Variants in ZCCHC7 observed in about 807,000 individuals in gnomAD.
ZCCHC7 encodes the protein zinc finger CCHC domain-containing protein 7.
Under a neutral mutation model 52.0 loss-of-function variants are expected in ZCCHC7, and 35 were observed. That is an observed-to-expected ratio of 0.67 (90% CI 0.51 to 0.89). The LOEUF (loss-of-function observed/expected upper bound fraction) is 0.89, where lower values mean the gene tolerates loss of function less well. Among genes scored for constraint, ZCCHC7 ranks in the 40% least tolerant of loss-of-function variants. The pLI is 0.00. For synonymous variants in ZCCHC7, 217 were observed against 221.5 expected (o/e 0.98, Z 0.18); for missense variants, 574 against 649.1 (o/e 0.88, Z 1.26).
intron 2 of ZCCHC7, among the ~76,000 whole-genome samples, chr9:37,142,715 T>G (rs936085179): frequency 5.3e-5 from 8 of 151,786 alleles, no homozygotes; most frequent in Non-Finnish European, 8.9e-5. Context: ...TTCATGAGTT[T>G]GTAAAACTAT....
chr9:37,336,950 A>T (rs1830694577), intron 6 of ZCCHC7, among the ~76,000 whole-genome samples: 1 of 152,182 alleles, frequency 6.6e-6, no homozygotes, highest in Admixed American at 6.5e-5. Flanking sequence ...GTGGTAAGAT[A>T]CCCTGTCACC....
chr9:37,258,757 TAAAAAA>T (rs5897683), intron 2 of ZCCHC7, among the ~76,000 whole-genome samples: 24 of 55,368 alleles, frequency 4.3e-4, no homozygotes, highest in African/African-American at 1.4e-3. Flanking sequence ...TCCTGTCTCT[TAAAAAA>T]AAAAAAAAAA....
intron 2 of ZCCHC7, among the ~76,000 whole-genome samples, chr9:37,179,991 A>G (rs1330930119): frequency 6.6e-6 from 1 of 152,148 alleles, no homozygotes; most frequent in Non-Finnish European, 1.5e-5. Flanking sequence ...TTTTTCATCA[A>G]GTGATTGTAT....
At chr9:37,329,719 A>G in intron 6 of ZCCHC7, among the ~76,000 whole-genome samples, 1 of 151,916 alleles carries the variant, frequency 6.6e-6, no homozygotes, top group South Asian at 2.1e-4. Context: ...TCTTGAATAA[A>G]AACAAGATGC....
intron 2 of ZCCHC7, among the ~76,000 whole-genome samples, chr9:37,269,264 G>A (rs1256704594): frequency 6.6e-6 from 1 of 152,126 alleles, no homozygotes; most frequent in Non-Finnish European, 1.5e-5. Flanking sequence ...TGCTAATGAA[G>A]TATATGAAGC....
At chr9:37,337,378 AT>A (rs1830721019) in intron 6 of ZCCHC7, among the ~76,000 whole-genome samples, 1 of 61,006 alleles carries the variant, frequency 1.6e-5, no homozygotes, top group African/African-American at 6.4e-5. Context: ...GGCTTCTGTT[AT>A]CCCACCCCAC....
chr9:37,218,491 C>G (rs547288095), intron 2 of ZCCHC7, among the ~76,000 whole-genome samples: 2 of 152,224 alleles, frequency 1.3e-5, no homozygotes, highest in East Asian at 3.9e-4. Flanking sequence ...ACCTGTAAAA[C>G]TTAGGGGTTT....
At chr9:37,131,385 C>T (rs1358060721) in intron 2 of ZCCHC7, among the ~76,000 whole-genome samples, 2 of 150,312 alleles carry the variant, frequency 1.3e-5, no homozygotes, top group African/African-American at 2.5e-5. Flanking sequence ...GTGGCTCACA[C>T]CTGTAATCCC....
At position 37,317,114 on chromosome 9, in the gene ZCCHC7, TG is replaced by T. The variant is rs1277774378; in HGVS notation, c.952-10684del. ...TGGACAAAATAGTTCACACTCAATT[TG>T]AGTGAGAAAAAGACCCATAGTGAAA... On this transcript the variant is annotated intron_variant, in intron 5 of 8. Transcript: ENST00000336755. Among the ~76,000 whole-genome samples the T allele has an allele frequency of 1.4e-4, 21 of 152,256 alleles. 1 individual carries two copies. The South Asian group carries it at 4.4e-3, about 32-fold the overall frequency.
chr9:37,205,667 C>A (rs180715503), intron 2 of ZCCHC7, among the ~76,000 whole-genome samples: 97 of 151,972 alleles, frequency 6.4e-4, no homozygotes, highest in African/African-American at 1.8e-3. Flanking sequence ...CAGGCACATG[C>A]GACCACACCT....
At chr9:37,155,853 TA>T (rs2132864920) in intron 2 of ZCCHC7, among the ~76,000 whole-genome samples, 1 of 152,382 alleles carries the variant, frequency 6.6e-6, no homozygotes, top group Non-Finnish European at 1.5e-5. Flanking sequence ...TTGTGCATTG[TA>T]GATGCCTCAT....
At chr9:37,257,005 G>C (rs1421694434) in intron 2 of ZCCHC7, among the ~76,000 whole-genome samples, 1 of 152,104 alleles carries the variant, frequency 6.6e-6, no homozygotes, top group Non-Finnish European at 1.5e-5. Context: ...TTATTGACAT[G>C]TATATTTTAT....
chr9:37,166,798 T>G (rs1221026094), intron 2 of ZCCHC7, among the ~76,000 whole-genome samples: 2 of 152,208 alleles, frequency 1.3e-5, no homozygotes, highest in African/African-American at 4.8e-5. Context: ...ATTTCTCCTT[T>G]GACCCAGGGG....
chr9:37,199,515 T>C (rs1030745714), intron 2 of ZCCHC7, among the ~76,000 whole-genome samples: 1 of 151,830 alleles, frequency 6.6e-6, no homozygotes, highest in Non-Finnish European at 1.5e-5. Flanking sequence ...GTAATTTTAC[T>C]AGACACAGGG....
chr9:37,225,811 A>G (rs1225381901), intron 2 of ZCCHC7, among the ~76,000 whole-genome samples: 1 of 152,220 alleles, frequency 6.6e-6, no homozygotes, highest in African/African-American at 2.4e-5. Context: ...ATCCAATTCA[A>G]GGACCTTTTA....
At chr9:37,298,849 C>T (rs1206005830) in intron 2 of ZCCHC7, among the ~76,000 whole-genome samples, 5 of 152,130 alleles carry the variant, frequency 3.3e-5, no homozygotes, top group Admixed American at 3.3e-4. Flanking sequence ...AGGTATTATC[C>T]ATTCTTCTGA....
At chr9:37,227,040 A>C (rs1257672205) in intron 2 of ZCCHC7, among the ~76,000 whole-genome samples, 2 of 151,968 alleles carry the variant, frequency 1.3e-5, no homozygotes, top group Non-Finnish European at 1.5e-5. Flanking sequence ...AAAAAAAAAA[A>C]AAAAAACCAG....
intron 1 of ZCCHC7, among the ~76,000 whole-genome samples, chr9:37,123,305 A>C (rs1202528751): frequency 1.3e-5 from 2 of 152,130 alleles, no homozygotes; most frequent in Admixed American, 1.3e-4. Flanking sequence ...ATTTGAACGT[A>C]ATTAAAGCAG....
At chr9:37,304,407 A>G in intron 4 of ZCCHC7, 94 bp downstream of exon 4, 3 of 1,456,980 alleles carry the variant, frequency 2.1e-6, no homozygotes, top group Non-Finnish European at 2.8e-6. Flanking sequence ...TAATCCCAGC[A>G]CTTTGGGAAG....
Sources: gnomAD v4.1 joint callset for allele counts (sites outside exome capture counted in the v4.1 genomes callset) on GRCh38, gnomAD v4.1.1 for gene constraint, MANE v1.5 for transcripts, NCBI Gene and HGNC (gene_info 2026-07-23, HGNC 2026-07-21) for gene names.